The following PTPN4 variants were observed in gnomAD, a reference collection of about 807,000 sequenced individuals.
The protein encoded by PTPN4 is tyrosine-protein phosphatase non-receptor type 4.
PTPN4 carries 49 observed loss-of-function variants against 135.5 expected under a neutral mutation model. The ratio of observed to expected loss-of-function variants is 0.36; its 90% CI spans 0.29 to 0.46. The LOEUF is 0.46. Among genes scored for constraint, PTPN4 ranks in the 20% least tolerant of loss-of-function variants. The probability of loss-of-function intolerance (pLI) is 1.00; values close to 1 mark genes in which losing one functional copy is unlikely to be tolerated. For missense variants in PTPN4, 860 were observed against 1,101.0 expected (o/e 0.78, Z 3.10); for synonymous variants, 333 against 369.9 (o/e 0.90, Z 1.14).
chr2:119,898,589 C>G (rs771944684), intron 9 of PTPN4, among the ~76,000 whole-genome samples: 2 of 152,108 alleles, frequency 1.3e-5, no homozygotes, highest in Non-Finnish European at 2.9e-5. Context: ...TAGCTCTACT[C>G]TCTGTTACTT....
intron 1 of PTPN4, chr2:119,771,559 C>T (rs1690734512): frequency 6.6e-6 from 1 of 152,258 alleles, no homozygotes; most frequent in Non-Finnish European, 1.5e-5. Context: ...TGGGATACCA[C>T]CTGCTTATCT....
At chr2:119,927,787 A>G (rs907415930) in intron 13 of PTPN4, among the ~76,000 whole-genome samples, 13 of 152,216 alleles carry the variant, frequency 8.5e-5, no homozygotes, top group South Asian at 4.1e-4. Context: ...AAAGAGAACT[A>G]GAAAGTTTGC....
At chr2:119,804,493 T>C (rs375280382) in intron 1 of PTPN4, among the ~76,000 whole-genome samples, 1 of 152,212 alleles carries the variant, frequency 6.6e-6, no homozygotes, top group East Asian at 1.9e-4. Flanking sequence ...AGTGTTCTCA[T>C]TGTTCATTTC....
At chr2:119,911,064 A>C (rs1678563867) in intron 10 of PTPN4, among the ~76,000 whole-genome samples, 1 of 152,168 alleles carries the variant, frequency 6.6e-6, no homozygotes, top group Non-Finnish European at 1.5e-5. Flanking sequence ...TTAGAACTCC[A>C]GGCCCCTTGT....
intron 18 of PTPN4, 136 bp downstream of exon 18, chr2:119,946,710 C>G: frequency 1.4e-6 from 1 of 689,784 alleles, no homozygotes; most frequent in African/African-American, 1.8e-5. Flanking sequence ...GGCTGAATCT[C>G]TTTAAGTTGC....
chr2:119,784,368 C>T (rs35714743), intron 1 of PTPN4, among the ~76,000 whole-genome samples: 2 of 146,748 alleles, frequency 1.4e-5, no homozygotes, highest in African/African-American at 5.0e-5. Flanking sequence ...CAGGTGCACA[C>T]CACCATGCCC....
In PTPN4 at chr2:119,833,564, T is replaced by G. The variant is rs1032429380; in HGVS notation, c.138+23573T>G. Among the ~76,000 whole-genome samples the G allele has an allele frequency of 2.0e-5, 3 of 152,178 alleles. No homozygotes were observed. In the South Asian group the frequency reaches 6.2e-4, roughly 32 times the overall value. Reference sequence around the variant, plus strand: ...CTCTTGTTAATAAATTGATTACTCTTGTGTCTTATAATTTTGTATTGTGAC... The same window carrying G: ...CTCTTGTTAATAAATTGATTACTCTGGTGTCTTATAATTTTGTATTGTGAC... On this transcript the variant is annotated intron_variant, in intron 2 of 26. Transcript: ENST00000263708.
chr2:119,882,052 G>A, intron 6 of PTPN4, 45 bp from the exon 7 acceptor site: 1 of 1,499,064 alleles, frequency 6.7e-7, no homozygotes, highest in Non-Finnish European at 9.3e-7. Flanking sequence ...TTTTGAAATT[G>A]CTATGTTTAA....
intron 9 of PTPN4, among the ~76,000 whole-genome samples, chr2:119,888,710 T>C (rs1236034938): frequency 6.6e-6 from 1 of 152,214 alleles, no homozygotes; most frequent in Non-Finnish European, 1.5e-5. Flanking sequence ...CTTTCTAACA[T>C]GCTGTTGGAT....
intron 10 of PTPN4, among the ~76,000 whole-genome samples, chr2:119,911,617 T>A (rs1375769567): frequency 1.3e-5 from 2 of 151,996 alleles, no homozygotes; most frequent in Non-Finnish European, 2.9e-5. Flanking sequence ...CTACTTCTCT[T>A]CAGCTTTGTA....
At chr2:119,917,792 C>T (rs1169947282) in intron 11 of PTPN4, among the ~76,000 whole-genome samples, 1 of 152,044 alleles carries the variant, frequency 6.6e-6, no homozygotes, top group African/African-American at 2.4e-5. Context: ...AAAAGGTGGC[C>T]TTGTTAATGT....
At chr2:119,895,426 G>GGTC (rs1678306846) in intron 9 of PTPN4, among the ~76,000 whole-genome samples, 2 of 152,166 alleles carry the variant, frequency 1.3e-5, no homozygotes, top group Admixed American at 1.3e-4. Context: ...GATCACCTGA[G>GGTC]GTCAGGAGTT....
Position 119,900,704 on chromosome 2 carries a change from CA to C in PTPN4, c.676-13del. ...AATTTAGATTTATCATGTTTTTATT[CA>C]TTTTTTTTGAAGGATCAGAGTAACA... On this transcript the variant is annotated splice_polypyrimidine_tract_variant and intron_variant, in intron 9 of 26. Transcript: ENST00000263708. The C allele has an allele frequency of 6.8e-7, 1 of 1,465,592 alleles. No homozygotes were observed. The highest frequency in any genetic ancestry group is 9.3e-7 in the Non-Finnish European group (1 of 1,078,088). The allele number at this position is 1,465,592 out of a possible 1,614,324, so 90.8% of individuals were successfully genotyped here.
chr2:119,766,449 C>CGTGTGTGTGTGTGTGT (rs745803520), intron 1 of PTPN4, among the ~76,000 whole-genome samples: 6 of 130,996 alleles, frequency 4.6e-5, no homozygotes, highest in African/African-American at 1.9e-4. Flanking sequence ...CATGTGCGCG[C>CGTGTGTGTGTGTGTGT]GTGTGTGTGT....
intron 8 of PTPN4, 53 bp from the exon 9 acceptor site, chr2:119,885,742 A>G (rs944758468): frequency 1.1e-5 from 14 of 1,274,128 alleles, no homozygotes; most frequent in Non-Finnish European, 1.5e-5. Context: ...ATTTAGCCAT[A>G]TTTATTTGAT....
intron 22 of PTPN4, among the ~76,000 whole-genome samples, chr2:119,958,613 C>T (rs904294334): frequency 1.3e-5 from 2 of 152,128 alleles, no homozygotes; most frequent in African/African-American, 4.8e-5. Context: ...TTGTCATGCT[C>T]TAGAAAGTCT....
chr2:119,799,247 A>G (rs896090214), intron 1 of PTPN4, among the ~76,000 whole-genome samples: 3 of 152,236 alleles, frequency 2.0e-5, no homozygotes, highest in Non-Finnish European at 4.4e-5. Context: ...TTTAACCTCC[A>G]TAAGTGAAAT....
rs192100644 is a variant in PTPN4, at chr2:119,925,245, G to C, written c.1002-1353G>C. Among the ~76,000 whole-genome samples, 546 of 152,208 alleles carry C rather than the reference G, an allele frequency of 3.6e-3. 3 individuals are homozygous for C. Among genetic ancestry groups the C allele is most frequent in the African/African-American group, 0.013 (524 of 41,538 alleles). On this transcript the variant is annotated intron_variant, in intron 12 of 26. Transcript: ENST00000263708. ...CCTGCTCTGCCTTTCTCCACTTTCT[G>C]ATCTTCCACCAGTACCTTCTAAAAG...
intron 2 of PTPN4, among the ~76,000 whole-genome samples, chr2:119,847,125 C>T (rs1677511036): frequency 6.7e-6 from 1 of 148,326 alleles, no homozygotes. Flanking sequence ...TTCCATAGGC[C>T]AAAACAACTT....
Sources: gnomAD v4.1 joint callset for allele counts (sites outside exome capture counted in the v4.1 genomes callset) on GRCh38, gnomAD v4.1.1 for gene constraint, MANE v1.5 for transcripts, NCBI Gene and HGNC (gene_info 2026-07-23, HGNC 2026-07-21) for gene names.